Variants in SLC45A4 observed in about 807,000 individuals in gnomAD.
SLC45A4 encodes solute carrier family 45 member 4, also known as polyamine-transporter SLC45A4.
In SLC45A4, 32 loss-of-function variants were observed where a neutral mutation model predicts 63.7. That is an observed-to-expected ratio of 0.50 (90% CI 0.38 to 0.67). The LOEUF (loss-of-function observed/expected upper bound fraction) is 0.67, where lower values mean the gene tolerates loss of function less well. Among genes scored for constraint, SLC45A4 ranks in the 30% least tolerant of loss-of-function variants. The pLI is 0.00. For synonymous variants in SLC45A4, 535 were observed against 510.0 expected (o/e 1.05, Z -0.66); for missense variants, 1,027 against 1,157.7 (o/e 0.89, Z 1.64).
chr8:141,228,118 C>T (rs537338960), intron 2 of SLC45A4: 40 of 1,605,674 alleles, frequency 2.5e-5, no homozygotes, highest in South Asian at 5.5e-5. Context: ...TGTGGCTCAC[C>T]GCAAGCTTTA....
intron 2 of SLC45A4, among the ~76,000 whole-genome samples, chr8:141,224,002 GTTTT>G (rs71322119): frequency 1.4e-5 from 2 of 145,268 alleles, no homozygotes; most frequent in Non-Finnish European, 3.0e-5. Flanking sequence ...ATTTTCTGTA[GTTTT>G]TTTTTTTTTT....
chr8:141,292,234 C>T (rs1054914779), intron 1 of SLC45A4, among the ~76,000 whole-genome samples: 1 of 152,234 alleles, frequency 6.6e-6, no homozygotes, highest in Admixed American at 6.5e-5. Flanking sequence ...CTGCATACAT[C>T]CCCGACCAGG....
Position 141,268,762 on chromosome 8 carries a change from C to T in SLC45A4, c.-400-14133G>A, listed in dbSNP as rs189614931. ...ATTAAGGGGCATCCATGCTGACTGC[C>T]GCGTACTTGGGGAAGCTTTCTGTGC... On this transcript the variant is annotated intron_variant, in intron 1 of 8. Transcript: ENST00000517878. Among the ~76,000 whole-genome samples, 7 of 152,266 alleles carry T rather than the reference C, an allele frequency of 4.6e-5. No individual in the cohort carries two copies. In the East Asian group the frequency reaches 7.7e-4, roughly 17 times the overall value.
chr8:141,253,393 G>C (rs1005308844), intron 2 of SLC45A4: 24 of 208,120 alleles, frequency 1.2e-4, no homozygotes, highest in African/African-American at 5.5e-4. Flanking sequence ...CCATGCTTTT[G>C]GAAATGCCTG....
chr8:141,235,626 C>T (rs926113543), intron 2 of SLC45A4, among the ~76,000 whole-genome samples: 5 of 152,156 alleles, frequency 3.3e-5, no homozygotes, highest in African/African-American at 1.2e-4. Context: ...GTGTCAGGCC[C>T]TGGGTTTACG....
intron 2 of SLC45A4, among the ~76,000 whole-genome samples, chr8:141,244,075 C>T (rs916582033): frequency 1.3e-5 from 2 of 152,068 alleles, no homozygotes; most frequent in Non-Finnish European, 2.9e-5. Flanking sequence ...AGCTGTATAC[C>T]CAACTGCCCT....
rs370597516 is a variant in SLC45A4, at chr8:141,217,207, C to T, written c.1630-18G>A. The stretch of plus-strand genomic sequence containing the variant: ...GAGGGGGCCTGTTCCGGAAATGAGA[C>T]GGGGGCTGACGAGGGCATCTGCTGG... On this transcript the variant is annotated intron_variant, in intron 5 of 8. Coordinates refer to ENST00000517878, the MANE Select transcript of SLC45A4 (RefSeq NM_001286646.2). The T allele has an allele frequency of 4.7e-5, 76 of 1,612,016 alleles. No individual in the cohort carries two copies. The highest frequency in any genetic ancestry group is 1.5e-4 in the South Asian group (14 of 91,024).
At chr8:141,220,398 A>T (rs777320874) in intron 3 of SLC45A4, among the ~76,000 whole-genome samples, 2 of 152,128 alleles carry the variant, frequency 1.3e-5, no homozygotes, top group Non-Finnish European at 2.9e-5. Flanking sequence ...CTCTAGAGAG[A>T]AAGATGCCAG....
chr8:141,259,080 T>C (rs986910830), intron 1 of SLC45A4, among the ~76,000 whole-genome samples: 4 of 151,912 alleles, frequency 2.6e-5, no homozygotes, highest in African/African-American at 7.3e-5. Context: ...CTCACTGGAG[T>C]TCCTCTGACA....
At chr8:141,287,867 C>T (rs1249033985) in intron 1 of SLC45A4, among the ~76,000 whole-genome samples, 1 of 152,146 alleles carries the variant, frequency 6.6e-6, no homozygotes, top group African/African-American at 2.4e-5. Flanking sequence ...CAGGAGGGCC[C>T]GGGCCAGGGG....
chr8:141,285,140 C>T (rs547840716), intron 1 of SLC45A4, among the ~76,000 whole-genome samples: 134 of 152,326 alleles, frequency 8.8e-4, no homozygotes, highest in African/African-American at 3.0e-3. Flanking sequence ...GGATCCAGCA[C>T]GGACTGAGGG....
At chr8:141,306,075 T>G (rs1326352243) in intron 1 of SLC45A4, among the ~76,000 whole-genome samples, 1 of 139,540 alleles carries the variant, frequency 7.2e-6, no homozygotes, top group African/African-American at 2.7e-5. Flanking sequence ...GACACACACC[T>G]TGGAGCTCAC....
chr8:141,244,953 T>TGGGGGGGGGGGGGGGGGGGGGGGGGGG (rs1332452740), intron 2 of SLC45A4, among the ~76,000 whole-genome samples: 2 of 27,762 alleles, frequency 7.2e-5, no homozygotes, highest in Admixed American at 3.9e-4. Context: ...CAAGAAGACG[T>TGGGGGGGGGGGGGGGGGGGGGGGGGGG]GGGTGGGGGG....
chr8:141,307,881 G>A (rs1485248092), intron 1 of SLC45A4, among the ~76,000 whole-genome samples: 2 of 151,026 alleles, frequency 1.3e-5, no homozygotes. Flanking sequence ...AGAGGAGGCG[G>A]GAAGGAATTG....
intron 1 of SLC45A4, among the ~76,000 whole-genome samples, chr8:141,290,118 A>G (rs1190864327): frequency 6.6e-6 from 1 of 152,204 alleles, no homozygotes; most frequent in African/African-American, 2.4e-5. Context: ...ACATGTCCAT[A>G]TATAATATAT....
rs948010853 is a variant in SLC45A4 at position 141,278,678 on chromosome 8, G to A, written c.-400-24049C>T. Reference sequence around the variant, plus strand: ...CAGGCAAGCAAGTGGAGGAAATAGAGGAACTGTGAGTGAGCAGAAAAATGC... The same window carrying A: ...CAGGCAAGCAAGTGGAGGAAATAGAAGAACTGTGAGTGAGCAGAAAAATGC... On this transcript the variant is annotated intron_variant, in intron 1 of 8. Transcript: ENST00000517878. This position sits in a 1 kb window ranked among gnomAD's most constrained non-coding sequence, Gnocchi z 4.1. Among the ~76,000 whole-genome samples, 3 of 152,264 alleles carry A rather than the reference G, an allele frequency of 2.0e-5. No individual in the cohort carries two copies. The South Asian group carries it at 6.2e-4, about 31-fold the overall frequency.
chr8:141,209,698 T>A lies in SLC45A4; in HGVS notation c.*1874A>T, dbSNP rs1340558958. 6.6e-6 allele frequency: 1 copy of A among 152,316 alleles called. No individual in the cohort carries two copies. Among genetic ancestry groups the A allele is most frequent in the Non-Finnish European group, 1.5e-5 (1 of 68,098 alleles). 9.4% of individuals were successfully genotyped at this position (152,316 alleles called of 1,614,324 possible). On this transcript the variant is annotated 3_prime_UTR_variant, in exon 9 of 9. Coordinates refer to ENST00000517878, the MANE Select transcript of SLC45A4 (RefSeq NM_001286646.2). ...AGTCACGCCTGTCCCTGGCTGGCAC[T>A]GGCTTCCGGCACGTTCATACCCTGA...
intron 3 of SLC45A4, 139 bp downstream of exon 3, chr8:141,221,438 G>A: frequency 3.6e-6 from 4 of 1,096,298 alleles, no homozygotes; most frequent in Non-Finnish European, 5.1e-6. Flanking sequence ...TCACCGCCAG[G>A]GTGGCCCCGG....
At chr8:141,283,248 C>A (rs1830018811) in intron 1 of SLC45A4, among the ~76,000 whole-genome samples, 1 of 152,232 alleles carries the variant, frequency 6.6e-6, no homozygotes, top group Non-Finnish European at 1.5e-5. Context: ...GGCTACGACA[C>A]CTCAAGAACA....
Sources: allele counts gnomAD v4.1 joint callset (sites outside exome capture counted in the v4.1 genomes callset), GRCh38; gene constraint gnomAD v4.1.1; non-coding constraint Gnocchi (gnomAD v3.1); transcripts MANE v1.5; gene names NCBI Gene and HGNC (gene_info 2026-07-23, HGNC 2026-07-21).